Variants in TBCK observed in about 807,000 individuals in gnomAD.
TBCK encodes the protein TBC domain-containing protein kinase-like protein.
TBCK carries 99 observed loss-of-function variants against 113.4 expected under a neutral mutation model. The observed-to-expected ratio is 0.87, with a 90% CI of 0.74 to 1.03. The LOEUF (loss-of-function observed/expected upper bound fraction) is 1.03. Ranked by LOEUF, TBCK falls within the 50% of genes least tolerant of loss-of-function variation. The pLI is 0.00. For synonymous variants in TBCK, 369 were observed against 370.8 expected (o/e 1.00, Z 0.05); for missense variants, 1,045 against 1,061.3 (o/e 0.98, Z 0.21).
At chr4:106,316,593 A>C (rs1026458500), upstream of TBCK, 9 of 1,551,320 alleles carry the variant, frequency 5.8e-6, no homozygotes, top group Middle Eastern at 1.7e-4. Flanking sequence ...CCTCCGCTTC[A>C]TGTGAGTGAC....
chr4:106,195,697 C>T (rs1337125703), intron 20 of TBCK, among the ~76,000 whole-genome samples: 4 of 151,998 alleles, frequency 2.6e-5, no homozygotes, highest in Admixed American at 6.6e-5. Flanking sequence ...ATCTAATCTT[C>T]CCCTGCCTTT....
At chr4:106,195,747 C>T (rs189761710) in intron 20 of TBCK, among the ~76,000 whole-genome samples, 265 of 152,058 alleles carry the variant, frequency 1.7e-3, no homozygotes, top group Non-Finnish European at 2.9e-3. Context: ...GTTCTCAGAC[C>T]TTTGGAATCA....
intron 22 of TBCK, among the ~76,000 whole-genome samples, chr4:106,190,290 C>T (rs1003093871): frequency 4.6e-5 from 7 of 152,264 alleles, no homozygotes; most frequent in African/African-American, 1.7e-4. Flanking sequence ...TTAAACATCT[C>T]TAAAATACTT....
At chr4:106,207,250 T>C (rs912979968) in intron 20 of TBCK, among the ~76,000 whole-genome samples, 1 of 152,184 alleles carries the variant, frequency 6.6e-6, no homozygotes, top group African/African-American at 2.4e-5. Flanking sequence ...TTAGCAGTGC[T>C]CAGTATTCAG....
At chr4:106,138,624 T>A (rs1220852482) in intron 23 of TBCK, among the ~76,000 whole-genome samples, 1 of 141,456 alleles carries the variant, frequency 7.1e-6, no homozygotes, top group Admixed American at 7.0e-5. Context: ...CACTGACTTA[T>A]AAGGCAAAAA....
intron 23 of TBCK, among the ~76,000 whole-genome samples, chr4:106,127,885 T>C (rs1406565955): frequency 6.6e-6 from 1 of 152,146 alleles, no homozygotes; most frequent in African/African-American, 2.4e-5. Context: ...ATTGAAAAAG[T>C]GCCCCAGGCC....
chr4:106,107,551 A>G (rs1742314114), intron 24 of TBCK, among the ~76,000 whole-genome samples: 1 of 151,986 alleles, frequency 6.6e-6, no homozygotes, highest in African/African-American at 2.4e-5. Context: ...GGTAAAAAAT[A>G]AAAGGCAGAA....
At chr4:106,173,792 G>A (rs529431028) in intron 22 of TBCK, among the ~76,000 whole-genome samples, 57 of 150,070 alleles carry the variant, frequency 3.8e-4, no homozygotes, top group Non-Finnish European at 7.4e-4. Flanking sequence ...AAAGTACTTT[G>A]TGAAGTGTAC....
chr4:106,202,743 A>G (rs1408200794), intron 20 of TBCK, among the ~76,000 whole-genome samples: 1 of 152,060 alleles, frequency 6.6e-6, no homozygotes, highest in African/African-American at 2.4e-5. Context: ...AATTTCCTCA[A>G]ACACAGCTAT....
intron 23 of TBCK, among the ~76,000 whole-genome samples, chr4:106,116,981 C>G (rs184986921): frequency 5.3e-4 from 81 of 152,166 alleles, no homozygotes; most frequent in Middle Eastern, 3.4e-3. Context: ...CATCCCCCCC[C>G]CATCTCAAAC....
chr4:106,197,411 G>GTGTGTGTATATATA (rs35695611), intron 20 of TBCK, among the ~76,000 whole-genome samples: 11 of 122,466 alleles, frequency 9.0e-5, no homozygotes, highest in East Asian at 2.3e-4. Flanking sequence ...GTGTGTGTGT[G>GTGTGTGTATATATA]TATATATATA....
At chr4:106,316,676 G>C, upstream of TBCK, 1 of 1,408,962 alleles carries the variant, frequency 7.1e-7, no homozygotes, top group Non-Finnish European at 9.7e-7. Flanking sequence ...CTTGCCTCCA[G>C]GAGAGAGGAC....
At chr4:106,056,099 G>C (rs1735351972) in intron 25 of TBCK, among the ~76,000 whole-genome samples, 5 of 150,728 alleles carry the variant, frequency 3.3e-5, no homozygotes, top group African/African-American at 9.7e-5. Context: ...CAAATGCTCA[G>C]CTGATTATTT....
chr4:106,202,504 C>T (rs752103639), intron 20 of TBCK, among the ~76,000 whole-genome samples: 3 of 151,750 alleles, frequency 2.0e-5, no homozygotes, highest in Admixed American at 6.6e-5. Flanking sequence ...TGTTTTTTTA[C>T]GTTTTCATTG....
At chr4:106,200,684 A>G (rs1754782928) in intron 20 of TBCK, among the ~76,000 whole-genome samples, 2 of 152,198 alleles carry the variant, frequency 1.3e-5, no homozygotes, top group African/African-American at 4.8e-5. Flanking sequence ...TTACTCTAGA[A>G]TATGAGGTCA....
intron 23 of TBCK, among the ~76,000 whole-genome samples, chr4:106,141,184 G>T (rs1441019048): frequency 7.3e-6 from 1 of 137,468 alleles, no homozygotes; most frequent in Non-Finnish European, 1.6e-5. Context: ...AAAAGGTGAA[G>T]CAATTAAATA....
intron 23 of TBCK, among the ~76,000 whole-genome samples, chr4:106,153,448 G>A (rs1216566120): frequency 1.3e-5 from 2 of 152,190 alleles, no homozygotes; most frequent in East Asian, 3.9e-4. Context: ...AATGTTTTAA[G>A]ATTTGCTTTG....
intron 19 of TBCK, among the ~76,000 whole-genome samples, chr4:106,219,366 A>G (rs185632143): frequency 1.8e-3 from 277 of 152,034 alleles, no homozygotes; most frequent in African/African-American, 6.4e-3. Context: ...AACTTAAAGT[A>G]TAATAATAAA....
upstream of TBCK, chr4:106,316,433 C>A: frequency 9.4e-7 from 1 of 1,060,364 alleles, no homozygotes; most frequent in Non-Finnish European, 1.4e-6. Context: ...TGGGACTGAG[C>A]ACAGGAAGAG....
Sources: allele counts gnomAD v4.1 joint callset (sites outside exome capture counted in the v4.1 genomes callset), GRCh38; gene constraint gnomAD v4.1.1; transcripts MANE v1.5; gene names NCBI Gene and HGNC (gene_info 2026-07-23, HGNC 2026-07-21).